The following STAG1 variants were observed in gnomAD, a reference collection of about 807,000 sequenced individuals.
The protein encoded by STAG1 is STAG1 cohesin complex component, also known as cohesin subunit SA-1.
Under a neutral mutation model 170.9 loss-of-function variants are expected in STAG1, and 26 were observed. The observed-to-expected ratio is 0.15, with a 90% confidence interval of 0.11 to 0.21. The LOEUF (loss-of-function observed/expected upper bound fraction) is 0.21. Among genes scored for constraint, STAG1 ranks in the 10% least tolerant of loss-of-function variants. The pLI, the probability that STAG1 is intolerant of heterozygous loss-of-function variation, is 1.00. For synonymous variants in STAG1, 514 were observed against 497.7 expected (o/e 1.03, Z -0.44); for missense variants, 964 against 1,509.5 (o/e 0.64, Z 5.99).
chr3:136,734,004 G>A (rs1663732311), intron 1 of STAG1, among the ~76,000 whole-genome samples: 1 of 151,906 alleles, frequency 6.6e-6, no homozygotes, highest in South Asian at 2.1e-4. Context: ...CTACTCAGGA[G>A]GCTGAGGCAG....
intron 1 of STAG1, among the ~76,000 whole-genome samples, chr3:136,660,142 TCTA>T (rs1254563874): frequency 6.6e-6 from 1 of 152,198 alleles, no homozygotes; most frequent in African/African-American, 2.4e-5. Context: ...GAAAAGACAT[TCTA>T]CTATTTTCAG....
At chr3:136,644,649 T>C (rs149702125) in intron 1 of STAG1, among the ~76,000 whole-genome samples, 1 of 152,340 alleles carries the variant, frequency 6.6e-6, no homozygotes, top group East Asian at 1.9e-4. Flanking sequence ...ATTAACAGTT[T>C]ACTAGACTCA....
At chr3:136,718,931 A>T (rs1933031541) in intron 1 of STAG1, among the ~76,000 whole-genome samples, 2 of 151,918 alleles carry the variant, frequency 1.3e-5, no homozygotes, top group South Asian at 2.1e-4. Flanking sequence ...TACCTCAAAT[A>T]AAAAAAAGGC....
intron 4 of STAG1, among the ~76,000 whole-genome samples, chr3:136,585,061 T>C (rs1937740428): frequency 6.6e-6 from 1 of 152,234 alleles, no homozygotes; most frequent in Non-Finnish European, 1.5e-5. Flanking sequence ...AATAATTATA[T>C]GAACTGGAAC....
chr3:136,637,273 T>C (rs1452481783), intron 1 of STAG1, among the ~76,000 whole-genome samples: 2 of 152,168 alleles, frequency 1.3e-5, no homozygotes, highest in Non-Finnish European at 2.9e-5. Context: ...AAAATAAAAT[T>C]GGATTTTCCA....
intron 15 of STAG1, among the ~76,000 whole-genome samples, chr3:136,441,588 G>A (rs1316563855): frequency 6.6e-6 from 1 of 152,138 alleles, no homozygotes; most frequent in Non-Finnish European, 1.5e-5. Flanking sequence ...TTATGTCAAA[G>A]CCAGAATAGA....
chr3:136,486,464 A>G (rs1015351225), intron 9 of STAG1, among the ~76,000 whole-genome samples: 5 of 152,208 alleles, frequency 3.3e-5, no homozygotes, highest in East Asian at 1.9e-4. Context: ...ACTACAAAAT[A>G]TATCTATAAA....
chr3:136,528,500 C>CCT, intron 6 of STAG1, among the ~76,000 whole-genome samples: 1 of 138,040 alleles, frequency 7.2e-6, no homozygotes, highest in Admixed American at 6.9e-5. Context: ...CCGCACCCCC[C>CCT]CCCCCAAAAA....
intron 4 of STAG1, among the ~76,000 whole-genome samples, chr3:136,603,460 T>C (rs944087693): frequency 6.6e-6 from 1 of 152,182 alleles, no homozygotes; most frequent in Non-Finnish European, 1.5e-5. Flanking sequence ...AATAAACACA[T>C]TTAATGATAG....
At chr3:136,450,767 CAG>C (rs111386534) in intron 14 of STAG1, among the ~76,000 whole-genome samples, 7 of 152,142 alleles carry the variant, frequency 4.6e-5, no homozygotes, top group African/African-American at 1.4e-4. Context: ...TTTTTTGAGA[CAG>C]AATCTGGCTC....
chr3:136,674,606 C>T (rs901966487), intron 1 of STAG1, among the ~76,000 whole-genome samples: 1 of 152,148 alleles, frequency 6.6e-6, no homozygotes, highest in Non-Finnish European at 1.5e-5. Context: ...TTTGTCAAAA[C>T]TGAAAATGTA....
intron 32 of STAG1, among the ~76,000 whole-genome samples, chr3:136,340,264 G>A (rs928106521): frequency 1.8e-4 from 28 of 151,804 alleles, no homozygotes; most frequent in African/African-American, 5.3e-4. Flanking sequence ...CTGGGATTAC[G>A]GGCACGTGCC....
intron 9 of STAG1, among the ~76,000 whole-genome samples, chr3:136,486,551 T>A (rs1054240858): frequency 3.9e-5 from 6 of 152,246 alleles, no homozygotes; most frequent in Non-Finnish European, 7.3e-5. Flanking sequence ...ACATTTTTCC[T>A]CTGCTATACT....
chr3:136,604,739 C>T (rs1377514847), intron 3 of STAG1, among the ~76,000 whole-genome samples: 1 of 152,170 alleles, frequency 6.6e-6, no homozygotes, highest in African/African-American at 2.4e-5. Context: ...CAGCATCCTC[C>T]TCCCAGGTTC....
At chr3:136,579,537 G>A (rs1287925697) in intron 4 of STAG1, among the ~76,000 whole-genome samples, 3 of 152,312 alleles carry the variant, frequency 2.0e-5, no homozygotes, top group African/African-American at 2.4e-5. Flanking sequence ...AGCCCTTGAC[G>A]TCCTGCTGGC....
intron 24 of STAG1, among the ~76,000 whole-genome samples, chr3:136,368,714 G>C (rs913860787): frequency 1.3e-5 from 2 of 152,148 alleles, no homozygotes; most frequent in African/African-American, 2.4e-5. Flanking sequence ...GTAGCTGTTA[G>C]AGAAAGACAG....
At chr3:136,657,010 C>CA (rs202078976) in intron 1 of STAG1, among the ~76,000 whole-genome samples, 445 of 140,290 alleles carry the variant, frequency 3.2e-3, no homozygotes, top group East Asian at 0.012. Flanking sequence ...TTATAATAGC[C>CA]AAAAAAAAAA....
intron 1 of STAG1, among the ~76,000 whole-genome samples, chr3:136,679,325 A>T (rs1266150860): frequency 6.6e-6 from 1 of 152,168 alleles, no homozygotes; most frequent in Non-Finnish European, 1.5e-5. Context: ...CATGCCTGTA[A>T]TCCCACCACT....
intron 5 of STAG1, 33 bp downstream of exon 5, chr3:136,568,732 T>G: frequency 6.7e-7 from 1 of 1,499,514 alleles, no homozygotes; most frequent in Non-Finnish European, 9.3e-7. Flanking sequence ...ACTGACAGGC[T>G]CAATGTACAT....
Sources: allele counts gnomAD v4.1 joint callset (sites outside exome capture counted in the v4.1 genomes callset), GRCh38; gene constraint gnomAD v4.1.1; transcripts MANE v1.5; gene names NCBI Gene and HGNC (gene_info 2026-07-23, HGNC 2026-07-21).